The following NPR3 variants were observed in gnomAD, a reference collection of about 807,000 sequenced individuals.
The protein encoded by NPR3 is natriuretic peptide receptor 3, also known as atrial natriuretic peptide receptor 3.
NPR3 carries 34 observed loss-of-function variants against 54.5 expected under a neutral mutation model. That is an observed-to-expected ratio of 0.62 (90% CI 0.47 to 0.83). The LOEUF (loss-of-function observed/expected upper bound fraction) is 0.83. Among genes scored for constraint, NPR3 ranks in the 40% least tolerant of loss-of-function variants. The pLI, the probability that NPR3 is intolerant of heterozygous loss-of-function variation, is 0.00. For synonymous variants in NPR3, 289 were observed against 297.1 expected (o/e 0.97, Z 0.28); for missense variants, 674 against 720.8 (o/e 0.94, Z 0.74).
At chr5:32,786,174 G>A in intron 7 of NPR3, 60 bp from the exon 8 acceptor site, 1 of 713,290 alleles carries the variant, frequency 1.4e-6, no homozygotes, top group Non-Finnish European at 2.4e-6. Flanking sequence ...CTCTTTGTAA[G>A]AGAAACCATG....
upstream of NPR3, among the ~76,000 whole-genome samples, chr5:32,705,579 C>T (rs575654675): frequency 6.6e-6 from 1 of 152,210 alleles, no homozygotes; most frequent in South Asian, 2.1e-4. Flanking sequence ...GGAGATGCTA[C>T]ACACTTTTAA....
At chr5:32,714,669 C>T (rs1364588992) in intron 1 of NPR3, among the ~76,000 whole-genome samples, 2 of 152,152 alleles carry the variant, frequency 1.3e-5, no homozygotes, top group Non-Finnish European at 2.9e-5. Flanking sequence ...ACAGTTTCTC[C>T]TCTAATCGTC....
chr5:32,765,461 G>A (rs1045991221), intron 3 of NPR3, among the ~76,000 whole-genome samples: 4 of 152,170 alleles, frequency 2.6e-5, no homozygotes, highest in Admixed American at 2.0e-4. Flanking sequence ...CATGCTATGG[G>A]CAGGCACGAT....
chr5:32,764,574 G>A (rs1044468219), intron 3 of NPR3, among the ~76,000 whole-genome samples: 5 of 151,824 alleles, frequency 3.3e-5, no homozygotes, highest in Non-Finnish European at 5.9e-5. Context: ...GATCACCTGA[G>A]GTCAAAGGTT....
intron 1 of NPR3, 59 bp from the exon 2 acceptor site, chr5:32,724,639 G>A: frequency 1.2e-6 from 2 of 1,603,554 alleles, no homozygotes; most frequent in East Asian, 2.2e-5. Flanking sequence ...ACTGGTGTCA[G>A]CATGCTCGAA....
At chr5:32,775,250 C>T (rs1383486165) in intron 4 of NPR3, among the ~76,000 whole-genome samples, 1 of 151,400 alleles carries the variant, frequency 6.6e-6, no homozygotes, top group African/African-American at 2.4e-5. Flanking sequence ...CACAGTTAAA[C>T]CTGGTGGTTT....
rs753616136 is a variant in NPR3 at position 32,782,889 on chromosome 5, A to G, written c.1291-4A>G. The stretch of plus-strand genomic sequence containing the variant: ...TTGTCTATTTGTTTTTTGCCTCTAT[A>G]TAGGTTATTGGTGATTATTTTGGAA... On this transcript the variant is annotated splice_polypyrimidine_tract_variant and splice_region_variant and intron_variant, in intron 5 of 7. Coordinates refer to ENST00000265074, the MANE Select transcript of NPR3 (RefSeq NM_001204375.2). 2 of 1,606,320 alleles carry G rather than the reference A, an allele frequency of 1.2e-6. No individual in the cohort carries two copies. The highest frequency in any genetic ancestry group is 8.5e-7 in the Non-Finnish European group (1 of 1,176,718).
At chr5:32,714,520 T>C (rs1738447767) in intron 1 of NPR3, among the ~76,000 whole-genome samples, 1 of 148,218 alleles carries the variant, frequency 6.7e-6, no homozygotes, top group Non-Finnish European at 1.5e-5. Flanking sequence ...TTTTTTTTTT[T>C]CCAAGTTTGC....
intron 4 of NPR3, among the ~76,000 whole-genome samples, chr5:32,776,528 C>A (rs1166168697): frequency 6.6e-6 from 1 of 152,186 alleles, no homozygotes; most frequent in Non-Finnish European, 1.5e-5. Context: ...AATCTATATT[C>A]TTGCTAACAG....
rs990585813 is a variant in NPR3 at position 32,711,642 on chromosome 5, G to A, written c.-135G>A. 14 of 1,284,542 alleles carry A rather than the reference G, an allele frequency of 1.1e-5. No individual in the cohort carries two copies. Among genetic ancestry groups the A allele is most frequent in the African/African-American group, 1.6e-5 (1 of 64,456 alleles). The allele number at this position is 1,284,542 out of a possible 1,614,324, so 79.6% of individuals were successfully genotyped here. A position where few individuals can be genotyped will look rare whatever the true frequency, so the allele number is the denominator to read the frequency against. On this transcript the variant is annotated 5_prime_UTR_variant, in exon 1 of 8. Coordinates refer to ENST00000265074, the MANE Select transcript of NPR3 (RefSeq NM_001204375.2). ...CTATCTTTTGGCGCATTAGTGAAGG[G>A]GGTATTCTATTTTGTTAAAGCGCCC...
At position 32,791,155 on chromosome 5, in the gene NPR3, A is replaced by G. The variant is rs891749885; in HGVS notation, c.*4810A>G. On this transcript the variant is annotated 3_prime_UTR_variant, in exon 8 of 8. Transcript: ENST00000265074. ...TTGCCAAGATCTGAAAATCTTCAACATCTTATAAGACAACAATGAAGTAGC... is the reference window on the plus strand; with the variant it reads ...TTGCCAAGATCTGAAAATCTTCAACGTCTTATAAGACAACAATGAAGTAGC... The G allele has an allele frequency of 1.2e-5, 2 of 167,128 alleles. No homozygotes were observed. Among genetic ancestry groups the G allele is most frequent in the Non-Finnish European group, 2.9e-5 (2 of 68,132 alleles). 10.4% of individuals were successfully genotyped at this position (167,128 alleles called of 1,614,324 possible).
chr5:32,764,549 A>G (rs1741341739), intron 3 of NPR3, among the ~76,000 whole-genome samples: 1 of 152,008 alleles, frequency 6.6e-6, no homozygotes, highest in South Asian at 2.1e-4. Flanking sequence ...GCACTTTGGG[A>G]GGCCGAGGCG....
chr5:32,759,535 T>G (rs1488556903), intron 3 of NPR3, among the ~76,000 whole-genome samples: 2 of 152,200 alleles, frequency 1.3e-5, no homozygotes, highest in Non-Finnish European at 2.9e-5. Context: ...TACAGCACAC[T>G]GATGGGTCTT....
At chr5:32,755,721 T>A (rs1740800429) in intron 3 of NPR3, among the ~76,000 whole-genome samples, 1 of 152,240 alleles carries the variant, frequency 6.6e-6, no homozygotes, top group Non-Finnish European at 1.5e-5. Context: ...TTTTGAAATT[T>A]GTTCCTTCCT....
Position 32,711,750 on chromosome 5 carries a change from C to A in NPR3, c.-27C>A, listed in dbSNP as rs1738245322. 5.7e-6 allele frequency: 8 copies of A among 1,410,190 alleles called. No homozygotes were observed. The highest frequency in any genetic ancestry group is 6.5e-6 in the Non-Finnish European group (7 of 1,082,680). 87.4% of individuals were successfully genotyped at this position (1,410,190 alleles called of 1,614,324 possible). ...GGGGCAGAGGGCGAGTCGGCGGCGG[C>A]GAGGGCAAGCTCTTTCTTGCGGCAC... On this transcript the variant is annotated 5_prime_UTR_variant, in exon 1 of 8. Transcript: ENST00000265074.
rs979108655 is a variant in NPR3, at chr5:32,711,827, G to C, written c.51G>C (p.Trp17Cys). 5.5e-6 allele frequency: 8 copies of C among 1,459,206 alleles called. No homozygotes were observed. Among genetic ancestry groups the C allele is most frequent in the African/African-American group, 4.3e-5 (3 of 69,166 alleles). The allele number at this position is 1,459,206 out of a possible 1,614,324, so 90.4% of individuals were successfully genotyped here. The change falls in exon 1 of 8, where the codon TGG becomes TGC. Residue 17 changes from tryptophan (W) to cysteine (C), a missense_variant. Coordinates refer to ENST00000265074, the MANE Select transcript of NPR3 (RefSeq NM_001204375.2). ...TCTCCCCGTGCGTACTACTCGGCTG[G>C]GCGTTGCTGGCCGGCGGCACCGGTG... Reference protein sequence around the residue: ...LTFSPCVLLGWALLAGGTGGG... With the variant: ...LTFSPCVLLGCALLAGGTGGG...
intron 3 of NPR3, among the ~76,000 whole-genome samples, chr5:32,758,149 A>G (rs1740949666): frequency 6.6e-6 from 1 of 152,032 alleles, no homozygotes; most frequent in African/African-American, 2.4e-5. Context: ...CTCTTTTTCT[A>G]TTGATTGGAA....
At chr5:32,734,253 G>A (rs1739610161) in intron 2 of NPR3, among the ~76,000 whole-genome samples, 1 of 152,198 alleles carries the variant, frequency 6.6e-6, no homozygotes, top group African/African-American at 2.4e-5. Flanking sequence ...CACCAGAGCT[G>A]AAGAGCCACA....
At position 32,791,020 on chromosome 5, in the gene NPR3, T is replaced by A. The variant is rs372662159; in HGVS notation, c.*4675T>A. 6.6e-5 allele frequency: 11 copies of A among 167,198 alleles called. No individual in the cohort carries two copies. The highest frequency in any genetic ancestry group is 5.2e-4 in the Admixed American group (8 of 15,308). 10.4% of individuals were successfully genotyped at this position (167,198 alleles called of 1,614,324 possible). A position where few individuals can be genotyped will look rare whatever the true frequency, so the allele number is the denominator to read the frequency against. ...ATCACAACATAGGCTACCAAAATAT[T>A]TCTTATTTGCTAGGAGAACAAAGCT... On this transcript the variant is annotated 3_prime_UTR_variant, in exon 8 of 8. Coordinates refer to ENST00000265074, the MANE Select transcript of NPR3 (RefSeq NM_001204375.2).
Sources: allele counts gnomAD v4.1 joint callset (sites outside exome capture counted in the v4.1 genomes callset), GRCh38; gene constraint gnomAD v4.1.1; transcripts MANE v1.5; gene names NCBI Gene and HGNC (gene_info 2026-07-23, HGNC 2026-07-21).